The following SH3BP4 variants were observed in gnomAD, a reference collection of about 807,000 sequenced individuals.
The protein encoded by SH3BP4 is SH3 domain-binding protein 4.
A neutral mutation model predicts 65.5 loss-of-function variants in SH3BP4; 33 were observed. The observed-to-expected ratio is 0.50, with a 90% CI of 0.38 to 0.67. The LOEUF (loss-of-function observed/expected upper bound fraction) is 0.67. SH3BP4 is among the 30% of genes least tolerant of loss of function. The pLI, the probability that SH3BP4 is intolerant of heterozygous loss-of-function variation, is 0.00. For synonymous variants in SH3BP4, 552 were observed against 545.5 expected (o/e 1.01, Z -0.17); for missense variants, 1,134 against 1,261.4 (o/e 0.90, Z 1.53).
At position 235,042,896 on chromosome 2, in the gene SH3BP4, C is replaced by T; in HGVS notation, c.2127C>T (p.Gly709=). The T allele has an allele frequency of 2.5e-6, 4 of 1,613,426 alleles. No individual in the cohort carries two copies. Among genetic ancestry groups the T allele is most frequent in the Non-Finnish European group, 3.4e-6 (4 of 1,179,924 alleles). ...TKEWYIGYYQ[G]RVGLVHTKNV... is the part of the protein sequence containing the mutation. ...AGTGGTACATCGGCTACTACCAGGG[C>T]AGGGTGGGCCTCGTGCACACCAAGA... Residue 709 remains glycine, a synonymous_variant, in exon 4 of 6, where the codon GGC becomes GGT. Coordinates refer to ENST00000392011, the MANE Select transcript of SH3BP4 (RefSeq NM_014521.3). This position sits in a 1 kb window ranked among gnomAD's most constrained non-coding sequence, Gnocchi z 7.3.
Position 235,042,067 on chromosome 2 carries a change from G to C in SH3BP4, c.1298G>C (p.Ser433Thr), listed in dbSNP as rs761804882. The C allele has an allele frequency of 6.8e-6, 11 of 1,613,966 alleles. No homozygotes were observed. In the South Asian group the frequency reaches 1.2e-4, roughly 18 times the overall value. The part of the protein sequence containing the change: ...GPYVSVPLNC[S>T]CGDTVQAQLH... ...TATGTCTCCGTCCCGCTCAACTGCA[G>C]CTGTGGGGACACGGTCCAGGCACAG... is the stretch of plus-strand genomic sequence containing the variant. Residue 433 changes from serine to threonine, a missense_variant, in exon 4 of 6, where the codon AGC becomes ACC. By Grantham distance (58) the Ser-to-Thr change is moderately conservative. Coordinates refer to ENST00000392011, the MANE Select transcript of SH3BP4 (RefSeq NM_014521.3). The surrounding 1 kb of genome is among the most constrained non-coding windows in gnomAD (Gnocchi z 7.3).
rs1469379102 is a variant in SH3BP4 at position 235,053,957 on chromosome 2, C to G, written c.*141C>G. 1.5e-6 allele frequency: 1 copy of G among 645,636 alleles called. No individual in the cohort carries two copies. Among genetic ancestry groups the G allele is most frequent in the African/African-American group, 1.8e-5 (1 of 55,006 alleles). 40.0% of individuals were successfully genotyped at this position (645,636 alleles called of 1,614,324 possible). Reference sequence around the variant, plus strand: ...GGCCCGCCAGCTAGGCTACACCCATCATGCGCCGCCCTCCTCCATCGAGGG... The same window carrying G: ...GGCCCGCCAGCTAGGCTACACCCATGATGCGCCGCCCTCCTCCATCGAGGG... On this transcript the variant is annotated 3_prime_UTR_variant, in exon 6 of 6. Coordinates refer to ENST00000392011, the MANE Select transcript of SH3BP4 (RefSeq NM_014521.3).
Position 235,035,709 on chromosome 2 carries a change from G to T in SH3BP4, c.118+589G>T, listed in dbSNP as rs1278468331. On this transcript the variant is annotated intron_variant, in intron 3 of 5. Coordinates refer to ENST00000392011, the MANE Select transcript of SH3BP4 (RefSeq NM_014521.3). The surrounding 1 kb of genome is among the most constrained non-coding windows in gnomAD (Gnocchi z 5.0). ...TTACCAACCCCTGATCTAGAAGGTGGTTCTAAAGTTTAATAACCCTGGGTC... is the reference window on the plus strand; with the variant it reads ...TTACCAACCCCTGATCTAGAAGGTGTTTCTAAAGTTTAATAACCCTGGGTC... 1.3e-5 allele frequency among the ~76,000 whole-genome samples: 2 copies of T among 152,226 alleles called. No homozygotes were observed. The highest frequency in any genetic ancestry group is 4.8e-5 in the African/African-American group (2 of 41,460).
In SH3BP4 at chr2:234,978,572, A is replaced by G. The variant is rs746286655; in HGVS notation, c.-206-16731A>G. On this transcript the variant is annotated intron_variant, in intron 1 of 5. Coordinates refer to ENST00000392011, the MANE Select transcript of SH3BP4 (RefSeq NM_014521.3). This position sits in a 1 kb window ranked among gnomAD's most constrained non-coding sequence, Gnocchi z 4.1. ...CCGCGTCTCTTTCTTAAGCCTGTGT[A>G]GAAAGTTCTTTTGTCCGGGTGACAT... is the stretch of plus-strand genomic sequence containing the variant. 1 of 152,204 alleles carries G rather than the reference A, an allele frequency of 6.6e-6. No individual in the cohort carries two copies. The highest frequency in any genetic ancestry group is 2.4e-5 in the African/African-American group (1 of 41,404). 9.4% of individuals were successfully genotyped at this position (152,204 alleles called of 1,614,324 possible).
intron 1 of SH3BP4, among the ~76,000 whole-genome samples, chr2:234,963,542 G>C (rs928569417): frequency 8.5e-5 from 13 of 152,228 alleles, no homozygotes; most frequent in African/African-American, 2.9e-4. Context: ...TGGAGTGGGA[G>C]GGTGGGTCAA....
In SH3BP4 at chr2:234,962,432, C is replaced by T. The variant is rs139700499; in HGVS notation, c.-207+10262C>T. 3.8e-4 allele frequency among the ~76,000 whole-genome samples: 58 copies of T among 152,216 alleles called. No individual in the cohort carries two copies. In the East Asian group the frequency reaches 6.6e-3, roughly 17 times the overall value. On this transcript the variant is annotated intron_variant, in intron 1 of 5. Transcript: ENST00000392011. ...GGATTACAGGTGTGAGCTACTGTGC[C>T]TGGCCTCTTCTTTTCCAAAAAAAAT... is the stretch of plus-strand genomic sequence containing the variant.
At chr2:234,953,342 A>G (rs1471067593) in intron 1 of SH3BP4, among the ~76,000 whole-genome samples, 1 of 152,192 alleles carries the variant, frequency 6.6e-6, no homozygotes, top group African/African-American at 2.4e-5. Flanking sequence ...AACTGGAGCC[A>G]TTCTTGCCTA....
chr2:234,976,512 C>A lies in SH3BP4; in HGVS notation c.-206-18791C>A, dbSNP rs1018770879. 1.4e-4 allele frequency among the ~76,000 whole-genome samples: 21 copies of A among 152,150 alleles called. No individual in the cohort carries two copies. Among genetic ancestry groups the A allele is most frequent in the Non-Finnish European group, 2.2e-4 (15 of 68,000 alleles). ...TTAAGCAGGGCTACCGTCTCTCGGC[C>A]CGGGGCTTCTTGTTTCATGATAAAT... On this transcript the variant is annotated intron_variant, in intron 1 of 5. Coordinates refer to ENST00000392011, the MANE Select transcript of SH3BP4 (RefSeq NM_014521.3). The surrounding 1 kb of genome is among the most constrained non-coding windows in gnomAD (Gnocchi z 4.7).
chr2:234,980,775 G>T lies in SH3BP4; in HGVS notation c.-206-14528G>T, dbSNP rs191293022. On this transcript the variant is annotated intron_variant, in intron 1 of 5. Coordinates refer to ENST00000392011, the MANE Select transcript of SH3BP4 (RefSeq NM_014521.3). Reference sequence around the variant, plus strand: ...GTCTGATGGGTGTGAGATGGTATCTGAGTGTTTTTATGTTCTGCCAGAAGC... The same window carrying T: ...GTCTGATGGGTGTGAGATGGTATCTTAGTGTTTTTATGTTCTGCCAGAAGC... Among the ~76,000 whole-genome samples the T allele has an allele frequency of 2.4e-3, 358 of 152,274 alleles. 2 individuals carry two copies. Among genetic ancestry groups the T allele is most frequent in the African/African-American group, 8.3e-3 (345 of 41,548 alleles).
chr2:234,962,452 A>C (rs2106241330), intron 1 of SH3BP4, among the ~76,000 whole-genome samples: 1 of 152,236 alleles, frequency 6.6e-6, no homozygotes, highest in Non-Finnish European at 1.5e-5. Flanking sequence ...CTTTTCCAAA[A>C]AAAATAATAA....
At chr2:235,011,452 A>G (rs927206725) in intron 2 of SH3BP4, among the ~76,000 whole-genome samples, 2 of 152,214 alleles carry the variant, frequency 1.3e-5, no homozygotes, top group African/African-American at 4.8e-5. Context: ...ACATCTGCAA[A>G]GACTGTATTT....
chr2:234,985,903 C>T lies in SH3BP4; in HGVS notation c.-206-9400C>T, dbSNP rs562825757. 4.2e-3 allele frequency among the ~76,000 whole-genome samples: 634 copies of T among 149,792 alleles called. 4 individuals are homozygous for T. Among genetic ancestry groups the T allele is most frequent in the African/African-American group, 0.014 (555 of 39,758 alleles). On this transcript the variant is annotated intron_variant, in intron 1 of 5. Coordinates refer to ENST00000392011, the MANE Select transcript of SH3BP4 (RefSeq NM_014521.3). Reference sequence around the variant, plus strand: ...CATGTGCAGGTGAACCAGCCCTCGACACACACCTACGAGAACAGGGACCAT... The same window carrying T: ...CATGTGCAGGTGAACCAGCCCTCGATACACACCTACGAGAACAGGGACCAT...
At chr2:234,993,863 T>C (rs1233828086) in intron 1 of SH3BP4, among the ~76,000 whole-genome samples, 1 of 152,208 alleles carries the variant, frequency 6.6e-6, no homozygotes, top group Non-Finnish European at 1.5e-5. Flanking sequence ...AAAATCAGCT[T>C]GGGTGCAGGT....
intron 2 of SH3BP4, among the ~76,000 whole-genome samples, chr2:235,016,421 A>G (rs955936229): frequency 6.6e-6 from 1 of 152,130 alleles, no homozygotes; most frequent in African/African-American, 2.4e-5. Flanking sequence ...CTGTGACTGG[A>G]AGTGTCTGGT....
chr2:234,996,394 T>C (rs1230788359), intron 2 of SH3BP4, among the ~76,000 whole-genome samples: 5 of 152,212 alleles, frequency 3.3e-5, no homozygotes, highest in Non-Finnish European at 7.3e-5. Flanking sequence ...TCCTGTCTCT[T>C]TGTTTTCCAG....
chr2:235,027,911 C>G (rs917133670), intron 2 of SH3BP4, among the ~76,000 whole-genome samples: 6 of 152,278 alleles, frequency 3.9e-5, no homozygotes, highest in East Asian at 1.9e-4. Flanking sequence ...AGATCATTGG[C>G]AGAGGCCACA....
chr2:235,047,948 C>T (rs1407596334), intron 4 of SH3BP4, among the ~76,000 whole-genome samples: 1 of 151,956 alleles, frequency 6.6e-6, no homozygotes, highest in African/African-American at 2.4e-5. Flanking sequence ...GAGTGGGGGC[C>T]GGAATAAACC....
chr2:234,958,684 A>G (rs888284988), intron 1 of SH3BP4, among the ~76,000 whole-genome samples: 1 of 151,272 alleles, frequency 6.6e-6, no homozygotes, highest in African/African-American at 2.4e-5. Context: ...CAAGGAGGAG[A>G]AAGATGGGGG....
Position 235,034,903 on chromosome 2 carries a change from G to A in SH3BP4, c.-100G>A, listed in dbSNP as rs3731642. The A allele has an allele frequency of 2.0e-4, 191 of 969,862 alleles. 1 individual carries two copies. The highest frequency in any genetic ancestry group is 1.6e-3 in the East Asian group (68 of 41,218). 60.1% of individuals were successfully genotyped at this position (969,862 alleles called of 1,614,324 possible). ...CATATTGCCGAGTGGATGCCGCCGCGCAGCGTGTTTGCTTGAGGCAGAAGC... is the reference window on the plus strand; with the variant it reads ...CATATTGCCGAGTGGATGCCGCCGCACAGCGTGTTTGCTTGAGGCAGAAGC... On this transcript the variant is annotated 5_prime_UTR_variant, in exon 3 of 6. Coordinates refer to ENST00000392011, the MANE Select transcript of SH3BP4 (RefSeq NM_014521.3). The surrounding 1 kb of genome is among the most constrained non-coding windows in gnomAD (Gnocchi z 6.2).
Sources: gnomAD v4.1 joint callset for allele counts (sites outside exome capture counted in the v4.1 genomes callset) on GRCh38, gnomAD v4.1.1 for gene constraint, Gnocchi (gnomAD v3.1) non-coding constraint, MANE v1.5 for transcripts, NCBI Gene and HGNC (gene_info 2026-07-23, HGNC 2026-07-21) for gene names.